The following METTL24 variants were observed in gnomAD, a reference collection of about 807,000 sequenced individuals.
METTL24 encodes the protein probable methyltransferase-like protein 24.
In METTL24, 29 loss-of-function variants were observed where a neutral mutation model predicts 32.7. The ratio of observed to expected loss-of-function variants is 0.89; its 90% confidence interval spans 0.66 to 1.21. METTL24 has a LOEUF of 1.21. Among genes scored for constraint, METTL24 ranks in the 50% most tolerant of loss-of-function variants. The pLI is 0.00. For missense variants in METTL24, 439 were observed against 468.1 expected, an observed-to-expected ratio of 0.94 and a Z score of 0.57; for synonymous variants, 163 against 179.5, an observed-to-expected ratio of 0.91 and a Z score of 0.73.
At chr6:110,338,479 C>T (rs1167888159) in intron 1 of METTL24, among the ~76,000 whole-genome samples, 1 of 152,122 alleles carries the variant, frequency 6.6e-6, no homozygotes, top group Non-Finnish European at 1.5e-5. Context: ...ACCTGGGCAA[C>T]AGAGCAAGAT....
In METTL24 at chr6:110,344,447, C is replaced by G. The variant is rs577884615; in HGVS notation, c.318+13508G>C. 2.0e-5 allele frequency among the ~76,000 whole-genome samples: 3 copies of G among 152,234 alleles called. No homozygotes were observed. In the South Asian group the frequency reaches 6.2e-4, roughly 32 times the overall value. ...TCTGAAAAAAGCCACACAGTAAATA[C>G]TTAAACTTTGTGAGCCAAGAAGCAA... On this transcript the variant is annotated intron_variant, in intron 1 of 4. Transcript: ENST00000338882.
rs193246739 is a variant in METTL24 at position 110,317,024 on chromosome 6, T to C, written c.418-1543A>G. ...TGGAGCCTATTCGACTAACACAGCA[T>C]CTGCATTACTCTTGCTATCCCCTCC... On this transcript the variant is annotated intron_variant, in intron 2 of 4. Transcript: ENST00000338882. 1.7e-3 allele frequency among the ~76,000 whole-genome samples: 252 copies of C among 152,354 alleles called. 2 individuals are homozygous for C. Among genetic ancestry groups the C allele is most frequent in the African/African-American group, 5.0e-3 (207 of 41,594 alleles).
intron 1 of METTL24, among the ~76,000 whole-genome samples, chr6:110,337,075 G>T (rs1193146276): frequency 6.6e-6 from 1 of 152,208 alleles, no homozygotes; most frequent in African/African-American, 2.4e-5. Context: ...TATACACCAT[G>T]AAATACTATG....
intron 1 of METTL24, among the ~76,000 whole-genome samples, chr6:110,346,490 TTCTC>T (rs199636137): frequency 0.032 from 4,047 of 127,218 alleles, 179 homozygotes; most frequent in African/African-American, 0.11. Flanking sequence ...CCCTATATTA[TTCTC>T]TCTCTCTCTC....
intron 1 of METTL24, among the ~76,000 whole-genome samples, chr6:110,333,547 A>G (rs1182317429): frequency 7.2e-5 from 11 of 152,084 alleles, no homozygotes; most frequent in Admixed American, 7.2e-4. Context: ...TCTGCCTCCC[A>G]GATTCAAGTG....
intron 4 of METTL24, among the ~76,000 whole-genome samples, chr6:110,288,252 AC>A (rs1167170891): frequency 2.6e-5 from 4 of 152,182 alleles, no homozygotes; most frequent in African/African-American, 9.6e-5. Context: ...ACACCTTGTT[AC>A]TCAAAGTACA....
intron 1 of METTL24, among the ~76,000 whole-genome samples, chr6:110,347,163 G>C (rs901779702): frequency 6.6e-6 from 1 of 152,156 alleles, no homozygotes; most frequent in Non-Finnish European, 1.5e-5. Flanking sequence ...CTGTATATGA[G>C]AATTGGTTGT....
intron 1 of METTL24, among the ~76,000 whole-genome samples, chr6:110,343,888 C>T (rs143366536): frequency 1.2e-4 from 19 of 152,172 alleles, no homozygotes; most frequent in Admixed American, 1.2e-3. Flanking sequence ...ACAGCAGTGG[C>T]CAGAGGTGAA....
chr6:110,274,988 G>A (rs927908439), intron 4 of METTL24, among the ~76,000 whole-genome samples: 15 of 150,680 alleles, frequency 1.0e-4, no homozygotes, highest in Admixed American at 9.3e-4. Context: ...TTGTAGAGAC[G>A]GGGCTTTACC....
intron 4 of METTL24, among the ~76,000 whole-genome samples, chr6:110,270,143 C>G (rs1770929018): frequency 6.6e-6 from 1 of 152,094 alleles, no homozygotes; most frequent in East Asian, 1.9e-4. Flanking sequence ...TATGTTGGCT[C>G]AGAACACAGA....
intron 3 of METTL24, among the ~76,000 whole-genome samples, chr6:110,301,556 C>G (rs556644774): frequency 1.2e-4 from 19 of 152,154 alleles, no homozygotes; most frequent in Non-Finnish European, 2.2e-4. Flanking sequence ...TGCACTCCAG[C>G]CAGTCCACCG....
At chr6:110,327,410 T>C (rs1772035557) in intron 1 of METTL24, among the ~76,000 whole-genome samples, 2 of 152,210 alleles carry the variant, frequency 1.3e-5, no homozygotes, top group Admixed American at 1.3e-4. Context: ...CTAATATTTT[T>C]CATTTCCAAC....
chr6:110,306,744 TA>T (rs1256856507), intron 3 of METTL24, among the ~76,000 whole-genome samples: 1 of 152,178 alleles, frequency 6.6e-6, no homozygotes, highest in African/African-American at 2.4e-5. Flanking sequence ...TGTGGTCACG[TA>T]AAAAGCAAGA....
At chr6:110,336,731 TC>T (rs1772240338) in intron 1 of METTL24, among the ~76,000 whole-genome samples, 1 of 93,182 alleles carries the variant, frequency 1.1e-5, no homozygotes, top group African/African-American at 4.7e-5. Flanking sequence ...ACAGCAAGAC[TC>T]CGCCTCAAAA....
chr6:110,313,302 C>T (rs55870347), intron 3 of METTL24, among the ~76,000 whole-genome samples: 20,467 of 152,168 alleles, frequency 0.13, 1,820 homozygotes, highest in African/African-American at 0.23. Context: ...GACTTGATTA[C>T]TATGCATGCT....
chr6:110,319,728 T>A (rs1375375958), intron 2 of METTL24, among the ~76,000 whole-genome samples: 3 of 150,814 alleles, frequency 2.0e-5, no homozygotes, highest in African/African-American at 7.3e-5. Context: ...AAAAAAAAAA[T>A]AGTACCTAAT....
At chr6:110,301,796 A>G (rs1405933664) in intron 3 of METTL24, among the ~76,000 whole-genome samples, 1 of 152,232 alleles carries the variant, frequency 6.6e-6, no homozygotes, top group Admixed American at 6.5e-5. Flanking sequence ...TATAAATTCA[A>G]GAGTTGCAGT....
chr6:110,255,489 A>T (rs1450089033), intron 4 of METTL24, among the ~76,000 whole-genome samples: 1 of 152,090 alleles, frequency 6.6e-6, no homozygotes, highest in Non-Finnish European at 1.5e-5. Context: ...AAGCAGCACA[A>T]ACGTAGGCAG....
intron 1 of METTL24, among the ~76,000 whole-genome samples, chr6:110,327,383 A>T (rs6915019): frequency 0.073 from 11,138 of 152,250 alleles, 993 homozygotes; most frequent in African/African-American, 0.21. Context: ...GTCCACAAAT[A>T]GTATTCTTCT....
Sources: gnomAD v4.1 joint callset for allele counts (sites outside exome capture counted in the v4.1 genomes callset) on GRCh38, gnomAD v4.1.1 for gene constraint, MANE v1.5 for transcripts, NCBI Gene and HGNC (gene_info 2026-07-23, HGNC 2026-07-21) for gene names.